Variants in TENM4 observed in about 807,000 individuals in gnomAD.
TENM4 encodes teneurin transmembrane protein 4, also known as teneurin-4.
A neutral mutation model predicts 243.3 loss-of-function variants in TENM4; 82 were observed. The observed-to-expected ratio is 0.34, with a 90% CI of 0.28 to 0.40. The LOEUF is 0.40. Among genes scored for constraint, TENM4 ranks in the 10% least tolerant of loss-of-function variants. The probability of loss-of-function intolerance (pLI) is 1.00; values close to 1 mark genes in which losing one functional copy is unlikely to be tolerated. For missense variants in TENM4, 3,138 were observed against 3,673.3 expected, an observed-to-expected ratio of 0.85 and a Z score of 3.77; for synonymous variants, 1,412 against 1,456.3, an observed-to-expected ratio of 0.97 and a Z score of 0.69.
At chr11:78,739,587 C>A (rs1029037730) in intron 19 of TENM4, among the ~76,000 whole-genome samples, 1 of 151,958 alleles carries the variant, frequency 6.6e-6, no homozygotes, top group African/African-American at 2.4e-5. Context: ...GGTGGTTGAG[C>A]AAATAAATGG....
Position 78,777,999 on chromosome 11 carries a change from C to A in TENM4, c.2392+603G>T, listed in dbSNP as rs111675222. Among the ~76,000 whole-genome samples the A allele has an allele frequency of 7.9e-3, 1,200 of 152,252 alleles. 16 individuals carry two copies. The highest frequency in any genetic ancestry group is 0.027 in the African/African-American group (1,121 of 41,546). On this transcript the variant is annotated intron_variant, in intron 17 of 33. Coordinates refer to ENST00000278550, the MANE Select transcript of TENM4 (RefSeq NM_001098816.3). ...CTTCAAAGACAAAACTTACCAAAGTCAGGCCTTCTCTGAAAAGGAAAACAA... is the reference window on the plus strand; with the variant it reads ...CTTCAAAGACAAAACTTACCAAAGTAAGGCCTTCTCTGAAAAGGAAAACAA...
chr11:78,893,445 C>A (rs78627895), intron 7 of TENM4, among the ~76,000 whole-genome samples: 2,332 of 152,318 alleles, frequency 0.015, 71 homozygotes, highest in African/African-American at 0.053. Context: ...TCTCAACCCT[C>A]CAATGGCTTC....
chr11:78,996,394 G>A (rs752066293), intron 6 of TENM4, among the ~76,000 whole-genome samples: 53 of 152,310 alleles, frequency 3.5e-4, no homozygotes, highest in South Asian at 1.0e-3. Context: ...CAGAACACAT[G>A]AGTAAAGCCA....
rs1328508959 is a variant in TENM4, at chr11:79,347,236, CA to C, written c.-320-49694del. Among the ~76,000 whole-genome samples, 5 of 152,200 alleles carry C rather than the reference CA, an allele frequency of 3.3e-5. No homozygotes were observed. The East Asian group carries it at 9.6e-4, about 29-fold the overall frequency. ...CTGCTACATAAATAAAGCTTCCAGG[CA>C]GGTCCTTCAGCCTCTTACCCCCATA... On this transcript the variant is annotated intron_variant, in intron 1 of 33. Transcript: ENST00000278550.
intron 4 of TENM4, among the ~76,000 whole-genome samples, chr11:79,111,142 C>T (rs1000571159): frequency 3.9e-5 from 6 of 152,090 alleles, no homozygotes; most frequent in Admixed American, 3.9e-4. Context: ...AGGGGAAACC[C>T]CTTTCGCTTG....
intron 26 of TENM4, among the ~76,000 whole-genome samples, chr11:78,709,190 A>G (rs1230514914): frequency 1.4e-5 from 2 of 143,684 alleles, no homozygotes; most frequent in East Asian, 2.0e-4. Context: ...GTCTTGAACT[A>G]CTGACCTCAG....
intron 4 of TENM4, among the ~76,000 whole-genome samples, chr11:79,118,825 T>C (rs1480735338): frequency 2.0e-5 from 3 of 152,206 alleles, no homozygotes; most frequent in African/African-American, 7.2e-5. Flanking sequence ...CCCAGGTGGT[T>C]TGCACCTTTT....
At chr11:78,856,546 G>A (rs1004912556) in intron 10 of TENM4, among the ~76,000 whole-genome samples, 1 of 152,030 alleles carries the variant, frequency 6.6e-6, no homozygotes, top group African/African-American at 2.4e-5. Flanking sequence ...GTGTGTTAAG[G>A]GGCTCACGGT....
intron 6 of TENM4, among the ~76,000 whole-genome samples, chr11:79,022,815 AGATGGTGATGAT>A (rs1478614516): frequency 6.6e-6 from 1 of 152,146 alleles, no homozygotes; most frequent in African/African-American, 2.4e-5. Flanking sequence ...ATGAAGATGA[AGATGGTGATGAT>A]GATGGTAGCA....
intron 6 of TENM4, among the ~76,000 whole-genome samples, chr11:78,976,892 G>A (rs1857669957): frequency 6.6e-6 from 1 of 152,220 alleles, no homozygotes; most frequent in Non-Finnish European, 1.5e-5. Context: ...TACCTTTTGT[G>A]TCTGGCACCG....
In TENM4 at chr11:78,658,807, C is replaced by T. The variant is rs371420147; in HGVS notation, c.7561G>A (p.Gly2521Arg). The T allele has an allele frequency of 4.8e-5, 77 of 1,608,266 alleles. 1 individual carries two copies. Among genetic ancestry groups the T allele is most frequent in the Non-Finnish European group, 6.0e-5 (71 of 1,175,848 alleles). Residue 2521 changes from glycine (G) to arginine (R), a missense_variant, in exon 34 of 34, where the codon GGG (glycine) becomes AGG (arginine). Coordinates refer to ENST00000278550, the MANE Select transcript of TENM4 (RefSeq NM_001098816.3). ...TGCTTCTGTACTTCACACTGTACCC[C>T]GAGGATAGACTGATGGGGGAGGAGA... ...QEWDNSKSILGVQCEVQKQLK... is the reference protein window; with the variant it reads ...QEWDNSKSILRVQCEVQKQLK...
At chr11:78,934,704 G>C (rs79921002) in intron 6 of TENM4, among the ~76,000 whole-genome samples, 1 of 152,276 alleles carries the variant, frequency 6.6e-6, no homozygotes, top group Non-Finnish European at 1.5e-5. Flanking sequence ...CACCTGACCT[G>C]CTTTTATATT....
chr11:79,107,213 T>C (rs1861393588), intron 4 of TENM4, among the ~76,000 whole-genome samples: 1 of 152,202 alleles, frequency 6.6e-6, no homozygotes, highest in South Asian at 2.1e-4. Context: ...CACTATGGCA[T>C]GCTGCTTCTC....
chr11:78,740,946 G>A (rs1855915987), intron 19 of TENM4, among the ~76,000 whole-genome samples: 1 of 152,240 alleles, frequency 6.6e-6, no homozygotes, highest in Non-Finnish European at 1.5e-5. Context: ...CCCGTGGATT[G>A]CTTTTGGATT....
At chr11:79,126,800 T>C (rs765453285) in intron 4 of TENM4, among the ~76,000 whole-genome samples, 1 of 152,086 alleles carries the variant, frequency 6.6e-6, no homozygotes, top group Non-Finnish European at 1.5e-5. Flanking sequence ...CCTACTACAT[T>C]ATCAACAATT....
chr11:79,103,741 G>C (rs1239452256), intron 4 of TENM4, among the ~76,000 whole-genome samples: 1 of 152,192 alleles, frequency 6.6e-6, no homozygotes, highest in East Asian at 1.9e-4. Context: ...GAGGCAAACT[G>C]TGAGCTGGCC....
intron 1 of TENM4, among the ~76,000 whole-genome samples, chr11:79,377,822 G>T (rs1857922354): frequency 6.6e-6 from 1 of 152,132 alleles, no homozygotes; most frequent in African/African-American, 2.4e-5. Flanking sequence ...TTACTGGAAA[G>T]CTATAACGTC....
chr11:78,910,320 C>G (rs1856158147), intron 6 of TENM4, among the ~76,000 whole-genome samples: 1 of 152,192 alleles, frequency 6.6e-6, no homozygotes, highest in Non-Finnish European at 1.5e-5. Flanking sequence ...ATTTAGTTAT[C>G]ATAAAACAAA....
chr11:78,781,558 A>T (rs887400483), intron 16 of TENM4, among the ~76,000 whole-genome samples: 3 of 152,164 alleles, frequency 2.0e-5, no homozygotes, highest in African/African-American at 7.2e-5. Flanking sequence ...TGCCTCTACC[A>T]ACAGAGGTTT....
Sources: allele counts gnomAD v4.1 joint callset (sites outside exome capture counted in the v4.1 genomes callset), GRCh38; gene constraint gnomAD v4.1.1; transcripts MANE v1.5; gene names NCBI Gene and HGNC (gene_info 2026-07-23, HGNC 2026-07-21).